The following GABRA6 variants were observed in gnomAD, a reference collection of about 807,000 sequenced individuals.
GABRA6 encodes the protein gamma-aminobutyric acid type A receptor subunit alpha6.
Under a neutral mutation model 47.3 loss-of-function variants are expected in GABRA6, and 45 were observed. The ratio of observed to expected loss-of-function variants is 0.95; its 90% confidence interval spans 0.75 to 1.22. The LOEUF is 1.22. GABRA6 is among the 50% of genes most tolerant of loss of function. GABRA6 has a pLI of 0.00. For synonymous variants in GABRA6, 219 were observed against 194.7 expected (o/e 1.12, Z -1.04); for missense variants, 583 against 549.3 (o/e 1.06, Z -0.61).
intron 8 of GABRA6, among the ~76,000 whole-genome samples, chr5:161,697,109 A>G (rs896537455): frequency 6.6e-6 from 1 of 152,224 alleles, no homozygotes; most frequent in Admixed American, 6.5e-5. Context: ...ATTACTTGAA[A>G]CAAAGCAGCG....
chr5:161,693,438 C>A (rs911572841), intron 8 of GABRA6, among the ~76,000 whole-genome samples: 3 of 152,028 alleles, frequency 2.0e-5, no homozygotes, highest in Admixed American at 2.0e-4. Context: ...TAATTACCTT[C>A]TTTTATAAGT....
chr5:161,698,835 G>A (rs1754928278), intron 8 of GABRA6, among the ~76,000 whole-genome samples: 2 of 152,052 alleles, frequency 1.3e-5, no homozygotes, highest in Admixed American at 6.6e-5. Flanking sequence ...TGAGGCAAAA[G>A]GGAATGCTAA....
chr5:161,691,877 T>G, intron 7 of GABRA6, 64 bp from the exon 8 acceptor site: 6 of 1,462,184 alleles, frequency 4.1e-6, no homozygotes, highest in Non-Finnish European at 5.7e-6. Context: ...TGACACATTC[T>G]CATTTGATTT....
intron 2 of GABRA6, among the ~76,000 whole-genome samples, chr5:161,686,697 A>G (rs1405147410): frequency 6.6e-6 from 1 of 152,194 alleles, no homozygotes; most frequent in African/African-American, 2.4e-5. Flanking sequence ...TTTTCGTTAG[A>G]ACGAATCTAG....
At chr5:161,694,086 A>G (rs1174242668) in intron 8 of GABRA6, among the ~76,000 whole-genome samples, 2 of 152,140 alleles carry the variant, frequency 1.3e-5, no homozygotes, top group African/African-American at 2.4e-5. Context: ...TTGCTCCACA[A>G]TGTTAAAACC....
chr5:161,691,288 C>CTTTTTTTTTT (rs1160422481), intron 7 of GABRA6, among the ~76,000 whole-genome samples: 18 of 84,714 alleles, frequency 2.1e-4, no homozygotes, highest in South Asian at 5.4e-4. Context: ...TTTTTCTTTC[C>CTTTTTTTTTT]TTTTTTTTTT....
chr5:161,693,361 AT>A (rs1210101348), intron 8 of GABRA6, among the ~76,000 whole-genome samples: 10 of 152,174 alleles, frequency 6.6e-5, no homozygotes, highest in Middle Eastern at 3.4e-3. Context: ...TAATTTAAGG[AT>A]TTTTTATTAG....
Position 161,690,310 on chromosome 5 carries a change from TTTC to T in GABRA6, c.785_787del (p.Phe262del), listed in dbSNP as rs1194622313. On this transcript the variant is annotated inframe_deletion, in exon 7 of 9. Coordinates refer to ENST00000274545, the MANE Select transcript of GABRA6 (RefSeq NM_000811.3). ...TGACAGTCATTCTTTCCCAGGTGTC[TTTC>T]TGGATTAATAAGGAGTCCGTCCCAG... is the stretch of plus-strand genomic sequence containing the variant. The T allele has an allele frequency of 1.9e-6, 3 of 1,613,772 alleles. No homozygotes were observed. In the African/African-American group the frequency reaches 4.0e-5, roughly 22 times the overall value.
intron 6 of GABRA6, 116 bp from the exon 7 acceptor site, chr5:161,690,085 T>G (rs537253322): frequency 6.5e-5 from 63 of 971,772 alleles, no homozygotes; most frequent in Non-Finnish European, 9.2e-5. Flanking sequence ...GAAATGTACC[T>G]TTGCTTGTTT....
chr5:161,685,879 A>C lies in GABRA6; in HGVS notation c.-111A>C. 1 of 910,758 alleles carries C rather than the reference A, an allele frequency of 1.1e-6. No individual in the cohort carries two copies. Among genetic ancestry groups the C allele is most frequent in the Non-Finnish European group, 1.9e-6 (1 of 539,822 alleles). 56.4% of individuals were successfully genotyped at this position (910,758 alleles called of 1,614,324 possible). A position where few individuals can be genotyped will look rare whatever the true frequency, so the allele number is the denominator to read the frequency against. On this transcript the variant is annotated 5_prime_UTR_variant, in exon 1 of 9. Transcript: ENST00000274545. ...ATTACTGACTTGAGGCAAACAAGGA[A>C]CAGAGATATGAAGGGTTTGAAAGAT...
chr5:161,686,677 GTTA>G (rs1351790718), intron 2 of GABRA6, among the ~76,000 whole-genome samples: 6 of 152,164 alleles, frequency 3.9e-5, no homozygotes, highest in African/African-American at 1.4e-4. Flanking sequence ...ATATACATTA[GTTA>G]TTATCATTTT....
intron 8 of GABRA6, among the ~76,000 whole-genome samples, chr5:161,699,274 T>C (rs1270412527): frequency 2.0e-5 from 3 of 152,210 alleles, no homozygotes; most frequent in African/African-American, 7.2e-5. Flanking sequence ...TCTATCATGA[T>C]TCTCATAAAT....
At chr5:161,695,644 C>G (rs963207378) in intron 8 of GABRA6, among the ~76,000 whole-genome samples, 2 of 152,024 alleles carry the variant, frequency 1.3e-5, no homozygotes, top group Non-Finnish European at 2.9e-5. Flanking sequence ...AATCACTCAC[C>G]CATTCCATCT....
chr5:161,688,971 T>C lies in GABRA6; in HGVS notation c.248T>C (p.Phe83Ser), dbSNP rs1198358565. Residue 83 changes from phenylalanine to serine, a missense_variant, in exon 4 of 9, where the codon TTC (phenylalanine) becomes TCC (serine). Coordinates refer to ENST00000274545, the MANE Select transcript of GABRA6 (RefSeq NM_000811.3). ...VEMEYTMDVFFRQTWTDERLK... is the reference protein window; with the variant it reads ...VEMEYTMDVFSRQTWTDERLK... ...TAGGAGTATACGATGGATGTTTTTT[T>C]CCGCCAGACCTGGACTGATGAGAGG... 1 of 1,613,954 alleles carries C rather than the reference T, an allele frequency of 6.2e-7. No individual in the cohort carries two copies.
Position 161,690,218 on chromosome 5 carries a change from A to G in GABRA6, c.691A>G (p.Thr231Ala), listed in dbSNP as rs1175320243. The change falls in exon 7 of 9, where the codon ACA (threonine) becomes GCA (alanine). Residue 231 changes from threonine to alanine, a missense_variant. Thr to Ala is a moderately conservative substitution (Grantham distance 58). Transcript: ENST00000274545. ...KSNTGEYVIMTVYFHLQRKMG... is the reference protein window; with the variant it reads ...KSNTGEYVIMAVYFHLQRKMG... Reference sequence around the variant, plus strand: ...TCCAACAGGTGAATACGTTATAATGACAGTTTACTTCCACTTGCAAAGGAA... The same window carrying G: ...TCCAACAGGTGAATACGTTATAATGGCAGTTTACTTCCACTTGCAAAGGAA... 6.2e-7 allele frequency: 1 copy of G among 1,613,766 alleles called. No homozygotes were observed. The highest frequency in any genetic ancestry group is 1.1e-5 in the South Asian group (1 of 91,074).
chr5:161,692,493 T>C (rs1396252820), intron 8 of GABRA6, among the ~76,000 whole-genome samples: 1 of 152,178 alleles, frequency 6.6e-6, no homozygotes, highest in Non-Finnish European at 1.5e-5. Context: ...GATGTTTCTT[T>C]TGAACAAAAT....
In GABRA6 at chr5:161,699,165, A is replaced by C. The variant is rs562066655; in HGVS notation, c.1087-2333A>C. Among the ~76,000 whole-genome samples the C allele has an allele frequency of 4.6e-5, 7 of 152,324 alleles. No individual in the cohort carries two copies. The South Asian group carries it at 1.5e-3, about 32-fold the overall frequency. On this transcript the variant is annotated intron_variant, in intron 8 of 8. Transcript: ENST00000274545. ...GCATGTCTTCCCTCTTTCTACCTAAAATAGAAAGAAAAACATGTTTCAGAC... is the reference window on the plus strand; with the variant it reads ...GCATGTCTTCCCTCTTTCTACCTAACATAGAAAGAAAAACATGTTTCAGAC...
chr5:161,691,348 T>G (rs1382312687), intron 7 of GABRA6, among the ~76,000 whole-genome samples: 16 of 135,958 alleles, frequency 1.2e-4, no homozygotes, highest in Non-Finnish European at 2.0e-4. Flanking sequence ...CAGGCTGGAG[T>G]GCAGTGGCGG....
intron 4 of GABRA6, 26 bp downstream of exon 4, chr5:161,689,195 C>T: frequency 6.2e-7 from 1 of 1,611,450 alleles, no homozygotes; most frequent in Non-Finnish European, 8.5e-7. Flanking sequence ...TTCTATTTCC[C>T]CTGCCTAAAT....
Sources: gnomAD v4.1 joint callset for allele counts (sites outside exome capture counted in the v4.1 genomes callset) on GRCh38, gnomAD v4.1.1 for gene constraint, MANE v1.5 for transcripts, NCBI Gene and HGNC (gene_info 2026-07-23, HGNC 2026-07-21) for gene names.